Variants in BRWD1 observed in about 807,000 individuals in gnomAD.
The protein encoded by BRWD1 is bromodomain and WD repeat domain containing 1.
In BRWD1, 82 loss-of-function variants were observed where a neutral mutation model predicts 251.2. The ratio of observed to expected loss-of-function variants is 0.33; its 90% CI spans 0.27 to 0.39. The LOEUF is 0.39. Ranked by LOEUF, BRWD1 falls within the 10% of genes least tolerant of loss-of-function variation. BRWD1 has a pLI of 1.00. For synonymous variants in BRWD1, 918 were observed against 902.8 expected (o/e 1.02, Z -0.30); for missense variants, 2,233 against 2,711.6 (o/e 0.82, Z 3.92).
rs532664090 is a variant in BRWD1 at position 39,246,428 on chromosome 21, A to C, written c.2481+1273T>G. Among the ~76,000 whole-genome samples the C allele has an allele frequency of 2.6e-5, 4 of 152,362 alleles. No individual in the cohort carries two copies. In the East Asian group the frequency reaches 5.8e-4, roughly 22 times the overall value. On this transcript the variant is annotated intron_variant, in intron 21 of 40. Transcript: ENST00000342449. ...TTCTGGTGGGAATATAAAATGGTAG[A>C]GCCAATCTGAAGGAGTCTGGAGGGT... is the stretch of plus-strand genomic sequence containing the variant.
chr21:39,204,171 A>G lies in BRWD1; in HGVS notation c.4365-1626T>C, dbSNP rs572080607. 3.4e-3 allele frequency among the ~76,000 whole-genome samples: 474 copies of G among 140,302 alleles called. 2 individuals are homozygous for G. Among genetic ancestry groups the G allele is most frequent in the Admixed American group, 6.6e-3 (92 of 13,852 alleles). 92.0% of individuals were successfully genotyped at this position (140,302 alleles called of 152,430 possible). A position where few individuals can be genotyped will look rare whatever the true frequency, so the allele number is the denominator to read the frequency against. ...TCCATCTCAAAAAAAAAAAAAAAAAAGTGATCTGATACCACCACCACCTAG... is the reference window on the plus strand; with the variant it reads ...TCCATCTCAAAAAAAAAAAAAAAAAGGTGATCTGATACCACCACCACCTAG... On this transcript the variant is annotated intron_variant, in intron 37 of 40. Coordinates refer to ENST00000342449, the MANE Select transcript of BRWD1 (RefSeq NM_033656.4).
intron 20 of BRWD1, among the ~76,000 whole-genome samples, chr21:39,248,677 A>AAAAAAC: frequency 9.1e-6 from 1 of 109,324 alleles, no homozygotes; most frequent in Admixed American, 9.9e-5. Context: ...AAAAAAAAAA[A>AAAAAAC]AAAACACTGG....
intron 21 of BRWD1, among the ~76,000 whole-genome samples, chr21:39,240,194 T>TA (rs750569644): frequency 6.6e-6 from 1 of 152,114 alleles, no homozygotes; most frequent in Non-Finnish European, 1.5e-5. Flanking sequence ...TCTACAAAGA[T>TA]AAAACTATGA....
rs2031401973 is a variant in BRWD1, at chr21:39,189,001, G to GT, written c.*7257dup. 1.0e-6 allele frequency: 1 copy of GT among 985,212 alleles called. No individual in the cohort carries two copies. The highest frequency in any genetic ancestry group is 1.7e-5 in the African/African-American group (1 of 57,174). The allele number at this position is 985,212 out of a possible 1,614,324, so 61.0% of individuals were successfully genotyped here. ...GAAGAGAAGTGGCTTAAAGTGCACT[G>GT]TGTTTACCACTTCAAAGACACTTCT... is the stretch of plus-strand genomic sequence containing the variant. On this transcript the variant is annotated 3_prime_UTR_variant, in exon 41 of 41. Coordinates refer to ENST00000342449, the MANE Select transcript of BRWD1 (RefSeq NM_033656.4).
At chr21:39,296,567 A>G (rs1419564390) in intron 5 of BRWD1, 2 of 1,215,636 alleles carry the variant, frequency 1.6e-6, no homozygotes, top group Non-Finnish European at 2.1e-6. Flanking sequence ...AGCAACAACA[A>G]CTAACATTTG....
At chr21:39,305,781 T>C (rs1475496534) in intron 4 of BRWD1, among the ~76,000 whole-genome samples, 1 of 151,632 alleles carries the variant, frequency 6.6e-6, no homozygotes, top group African/African-American at 2.4e-5. Context: ...GGAGAATCAC[T>C]TGAACCCAGG....
intron 21 of BRWD1, 101 bp downstream of exon 21, chr21:39,247,600 G>A: frequency 8.2e-7 from 1 of 1,216,778 alleles, no homozygotes. Context: ...TCTGCAGAAT[G>A]CTGTGTTTTC....
At chr21:39,289,054 T>G (rs2035727826) in intron 8 of BRWD1, among the ~76,000 whole-genome samples, 1 of 152,222 alleles carries the variant, frequency 6.6e-6, no homozygotes, top group East Asian at 1.9e-4. Flanking sequence ...TTAGAATTAT[T>G]TCAGTTGAGA....
intron 4 of BRWD1, among the ~76,000 whole-genome samples, chr21:39,301,821 C>A (rs2036121269): frequency 6.8e-6 from 1 of 146,794 alleles, no homozygotes. Flanking sequence ...ACATTATTTT[C>A]AAAGGAGCAA....
In BRWD1 at chr21:39,203,568, G is replaced by A. The variant is rs185366057; in HGVS notation, c.4365-1023C>T. Among the ~76,000 whole-genome samples, 723 of 147,384 alleles carry A rather than the reference G, an allele frequency of 4.9e-3. 6 individuals are homozygous for A. The highest frequency in any genetic ancestry group is 0.018 in the Middle Eastern group (5 of 276). On this transcript the variant is annotated intron_variant, in intron 37 of 40. Transcript: ENST00000342449. ...ACTACAGGCGCCCACCACCACGCCC[G>A]GCTAATTTTTTGTAATTTTTAGTAG...
intron 11 of BRWD1, 49 bp downstream of exon 11, chr21:39,277,202 G>A (rs756134288): frequency 1.5e-6 from 2 of 1,360,958 alleles, no homozygotes; most frequent in Non-Finnish European, 2.1e-6. Flanking sequence ...GCAATAACAG[G>A]AATAGTATTA....
At chr21:39,274,830 AG>A (rs1275172399) in intron 12 of BRWD1, among the ~76,000 whole-genome samples, 2 of 152,218 alleles carry the variant, frequency 1.3e-5, no homozygotes, top group African/African-American at 4.8e-5. Context: ...TCACAAGGTC[AG>A]GAGTTCGAGA....
At chr21:39,239,002 T>C (rs572251291) in intron 21 of BRWD1, among the ~76,000 whole-genome samples, 1 of 152,306 alleles carries the variant, frequency 6.6e-6, no homozygotes, top group East Asian at 1.9e-4. Context: ...GTGAGGTGTC[T>C]GTTAGATCTT....
intron 4 of BRWD1, among the ~76,000 whole-genome samples, chr21:39,312,408 T>C (rs2036517048): frequency 6.6e-6 from 1 of 152,214 alleles, no homozygotes; most frequent in African/African-American, 2.4e-5. Context: ...CAGAGACCAA[T>C]GATTCTATTC....
intron 25 of BRWD1, among the ~76,000 whole-genome samples, chr21:39,231,462 G>A (rs2033613991): frequency 6.6e-6 from 1 of 152,060 alleles, no homozygotes; most frequent in African/African-American, 2.4e-5. Context: ...TCACTATTGT[G>A]GAATATCTGA....
intron 4 of BRWD1, among the ~76,000 whole-genome samples, chr21:39,302,846 G>C (rs951865879): frequency 2.0e-5 from 3 of 151,856 alleles, no homozygotes; most frequent in Non-Finnish European, 4.4e-5. Flanking sequence ...GATCACTTGA[G>C]GCCAAGAGTT....
In BRWD1 at chr21:39,200,292, G is replaced by C. The variant is rs1288061000; in HGVS notation, c.4680C>G (p.Ser1560=). 2.5e-6 allele frequency: 4 copies of C among 1,613,940 alleles called. No individual in the cohort carries two copies. In the African/African-American group the frequency reaches 5.3e-5, roughly 22 times the overall value. Residue 1560 remains serine, a synonymous_variant, in exon 39 of 41, where the codon TCC becomes TCG. Coordinates refer to ENST00000342449, the MANE Select transcript of BRWD1 (RefSeq NM_033656.4). Reference sequence around the variant, plus strand: ...TTCTGGATAGCCCACTGCGTGAGGAGGATTCACGAGCTCTGGAACTCTCTT... The same window carrying C: ...TTCTGGATAGCCCACTGCGTGAGGACGATTCACGAGCTCTGGAACTCTCTT... ...ESKESSRARE[S]SSRSGLSRSS... is the part of the protein sequence containing the mutation.
chr21:39,260,073 G>T (rs2034691762), intron 17 of BRWD1, among the ~76,000 whole-genome samples: 1 of 151,992 alleles, frequency 6.6e-6, no homozygotes, highest in Admixed American at 6.6e-5. Flanking sequence ...ACTTAAAAGA[G>T]CTAAATGTTA....
intron 18 of BRWD1, among the ~76,000 whole-genome samples, chr21:39,257,441 C>A (rs1211122324): frequency 6.6e-6 from 1 of 152,042 alleles, no homozygotes; most frequent in Non-Finnish European, 1.5e-5. Flanking sequence ...CTTGTGAAAA[C>A]AACAGGCCTG....
Sources: allele counts gnomAD v4.1 joint callset (sites outside exome capture counted in the v4.1 genomes callset), GRCh38; gene constraint gnomAD v4.1.1; transcripts MANE v1.5; gene names NCBI Gene and HGNC (gene_info 2026-07-23, HGNC 2026-07-21).